Variants in ASB5 observed in about 807,000 individuals in gnomAD.
ASB5 encodes the protein ankyrin repeat and SOCS box protein 5.
In ASB5, 45 loss-of-function variants were observed where a neutral mutation model predicts 42.1. The observed-to-expected ratio is 1.07, with a 90% CI of 0.84 to 1.37. The LOEUF is 1.37. Ranked by LOEUF, ASB5 falls within the 40% of genes most tolerant of loss-of-function variation. The pLI is 0.00. For missense variants in ASB5, 402 were observed against 399.8 expected (o/e 1.01, Z -0.05); for synonymous variants, 147 against 150.6 (o/e 0.98, Z 0.18).
intron 2 of ASB5, among the ~76,000 whole-genome samples, chr4:176,224,221 ATTTTTTTTTTT>A (rs869080360): frequency 4.6e-5 from 4 of 87,234 alleles, no homozygotes; most frequent in South Asian, 5.6e-4. Flanking sequence ...TGTGCATTTG[ATTTTTTTTTTT>A]TTTTTTTTTT....
In ASB5 at chr4:176,213,745, C is replaced by G. The variant is rs1752895860; in HGVS notation, c.*1855G>C. ...ACAATACATTAAAGTTAGAACACTA[C>G]TTTGATAAGACAATCATACTCAAGC... On this transcript the variant is annotated 3_prime_UTR_variant, in exon 7 of 7. Coordinates refer to ENST00000296525, the MANE Select transcript of ASB5 (RefSeq NM_080874.4). The G allele has an allele frequency of 6.6e-6, 1 of 152,000 alleles. No individual in the cohort carries two copies. The highest frequency in any genetic ancestry group is 1.5e-5 in the Non-Finnish European group (1 of 67,934). 9.4% of individuals were successfully genotyped at this position (152,000 alleles called of 1,614,324 possible).
chr4:176,255,756 T>A (rs1754142949), intron 1 of ASB5, among the ~76,000 whole-genome samples: 1 of 152,102 alleles, frequency 6.6e-6, no homozygotes, highest in Admixed American at 6.5e-5. Flanking sequence ...AACTACTGGG[T>A]ATTATGCTCA....
At chr4:176,248,641 T>G (rs180844335) in intron 1 of ASB5, among the ~76,000 whole-genome samples, 2 of 152,156 alleles carry the variant, frequency 1.3e-5, no homozygotes, top group Non-Finnish European at 2.9e-5. Context: ...AAATTGGTAA[T>G]GGAATTTACA....
At chr4:176,266,468 TA>T (rs1050644993) in intron 1 of ASB5, among the ~76,000 whole-genome samples, 2 of 151,886 alleles carry the variant, frequency 1.3e-5, no homozygotes, top group African/African-American at 4.8e-5. Context: ...ACAAACAAAA[TA>T]AAAAATAGTT....
intron 1 of ASB5, among the ~76,000 whole-genome samples, chr4:176,247,910 T>C (rs1753942954): frequency 6.6e-6 from 1 of 152,186 alleles, no homozygotes; most frequent in Admixed American, 6.5e-5. Context: ...TTCATTTTCT[T>C]AACAATTTTA....
intron 1 of ASB5, among the ~76,000 whole-genome samples, chr4:176,225,750 C>T (rs1247536498): frequency 6.6e-6 from 1 of 152,072 alleles, no homozygotes; most frequent in Non-Finnish European, 1.5e-5. Flanking sequence ...CCACCACGCC[C>T]GGATCATTTT....
chr4:176,268,397 T>C (rs1754401410), intron 1 of ASB5, among the ~76,000 whole-genome samples: 1 of 152,200 alleles, frequency 6.6e-6, no homozygotes, highest in Admixed American at 6.5e-5. Flanking sequence ...CTTCTTTGTG[T>C]GTGTGCTTTA....
Position 176,215,678 on chromosome 4 carries a change from G to A in ASB5, c.912C>T (p.Tyr304=), listed in dbSNP as rs765705570. ...TAAGGTGCAATCTTGGTTTTCCTATGTAGCTTCGGATACAGAGTCGGCAAA... is the reference window on the plus strand; with the variant it reads ...TAAGGTGCAATCTTGGTTTTCCTATATAGCTTCGGATACAGAGTCGGCAAA... ...YQLCRLCIRS[Y]IGKPRLHLIP... The change falls in exon 7 of 7, where the codon TAC becomes TAT. Residue 304 remains tyrosine, a synonymous_variant. Transcript: ENST00000296525. The A allele has an allele frequency of 2.2e-5, 36 of 1,613,102 alleles. No individual in the cohort carries two copies. In the Admixed American group the frequency reaches 5.5e-4, roughly 25 times the overall value.
At position 176,221,638 on chromosome 4, in the gene ASB5, A is replaced by C. The variant is rs750102564; in HGVS notation, c.385-38T>G. On this transcript the variant is annotated intron_variant, in intron 3 of 6. Transcript: ENST00000296525. ...AAAATATCCAAACATAAGATTCATA[A>C]GTCATACATGAGTAACCGACTTAGG... 1.2e-5 allele frequency: 18 copies of C among 1,540,658 alleles called. No homozygotes were observed. In the South Asian group the frequency reaches 2.1e-4, roughly 18 times the overall value.
chr4:176,216,412 G>A (rs759889027), intron 6 of ASB5, among the ~76,000 whole-genome samples: 8 of 151,944 alleles, frequency 5.3e-5, no homozygotes, highest in South Asian at 2.1e-4. Context: ...GTGCAGTGGC[G>A]TAATCCTGGC....
At chr4:176,258,215 A>T (rs1385539530) in intron 1 of ASB5, among the ~76,000 whole-genome samples, 1 of 152,216 alleles carries the variant, frequency 6.6e-6, no homozygotes, top group Non-Finnish European at 1.5e-5. Context: ...TATTTCATAT[A>T]AGATTTCTAT....
In ASB5 at chr4:176,214,793, G is replaced by C. The variant is rs1752921932; in HGVS notation, c.*807C>G. 6.6e-6 allele frequency: 1 copy of C among 152,030 alleles called. No homozygotes were observed. The allele number at this position is 152,030 out of a possible 1,614,324, so 9.4% of individuals were successfully genotyped here. A position where few individuals can be genotyped will look rare whatever the true frequency, so the allele number is the denominator to read the frequency against. The stretch of plus-strand genomic sequence containing the variant: ...ATTTTCTTAAGTCCAAGTATCACTA[G>C]CTATTGACAATTTCTGAAATGGAAG... On this transcript the variant is annotated 3_prime_UTR_variant, in exon 7 of 7. Transcript: ENST00000296525.
intron 1 of ASB5, 103 bp from the exon 2 acceptor site, chr4:176,225,444 C>T: frequency 1.0e-6 from 1 of 1,000,054 alleles, no homozygotes; most frequent in Non-Finnish European, 1.5e-6. Flanking sequence ...ATTATTCACA[C>T]TCAGTGTTCA....
At chr4:176,223,140 A>G (rs1753272369) in intron 2 of ASB5, among the ~76,000 whole-genome samples, 1 of 152,142 alleles carries the variant, frequency 6.6e-6, no homozygotes, top group African/African-American at 2.4e-5. Context: ...AAATACTCTA[A>G]ACTATAGTAA....
chr4:176,273,523 T>C (rs191552750), upstream of ASB5, among the ~76,000 whole-genome samples: 1 of 152,288 alleles, frequency 6.6e-6, no homozygotes, highest in Admixed American at 6.5e-5. Context: ...ATACTACCAG[T>C]ATGATGGAAC....
chr4:176,268,888 CA>C (rs778656526), intron 1 of ASB5, 24 bp downstream of exon 1: 2 of 1,525,760 alleles, frequency 1.3e-6, no homozygotes, highest in East Asian at 2.4e-5. Flanking sequence ...CCACTTGAAA[CA>C]AGAGAGGATT....
chr4:176,235,990 C>T (rs190083645), intron 1 of ASB5, among the ~76,000 whole-genome samples: 26 of 152,152 alleles, frequency 1.7e-4, no homozygotes, highest in Middle Eastern at 3.4e-3. Context: ...ACTGGAATAA[C>T]AGGTATGTGC....
intron 1 of ASB5, among the ~76,000 whole-genome samples, chr4:176,250,682 T>C (rs1754015667): frequency 6.6e-6 from 1 of 152,354 alleles, no homozygotes; most frequent in East Asian, 1.9e-4. Flanking sequence ...GATTGTCTGC[T>C]TCTGACTTGG....
chr4:176,254,589 G>T (rs1754111357), intron 1 of ASB5, among the ~76,000 whole-genome samples: 1 of 149,222 alleles, frequency 6.7e-6, no homozygotes, highest in South Asian at 2.1e-4. Context: ...CACAGCAGAA[G>T]AAACTATTAA....
Sources: allele counts gnomAD v4.1 joint callset (sites outside exome capture counted in the v4.1 genomes callset), GRCh38; gene constraint gnomAD v4.1.1; transcripts MANE v1.5; gene names NCBI Gene and HGNC (gene_info 2026-07-23, HGNC 2026-07-21).